ZNF880: variants seen among roughly 807,000 people sequenced by gnomAD.
The protein encoded by ZNF880 is zinc finger protein 880.
In ZNF880, 12 loss-of-function variants were observed where a neutral mutation model predicts 11.8. That is an observed-to-expected ratio of 1.02 (90% confidence interval 0.65 to 1.65). The LOEUF (loss-of-function observed/expected upper bound fraction) is 1.65, where lower values mean the gene tolerates loss of function less well. Ranked by LOEUF, ZNF880 falls within the 40% of genes most tolerant of loss-of-function variation. The probability of loss-of-function intolerance (pLI) is 0.00; values close to 1 mark genes in which losing one functional copy is unlikely to be tolerated. For missense variants in ZNF880, 601 were observed against 673.9 expected, an observed-to-expected ratio of 0.89 and a Z score of 1.20; for synonymous variants, 210 against 232.4, an observed-to-expected ratio of 0.90 and a Z score of 0.88.
rs1986796769 is a variant in ZNF880 at position 52,384,388 on chromosome 19, T to C, written c.808T>C (p.Cys270Arg). The part of the protein sequence containing the change: ...RIHTGEKPYK[C>R]HECGKVFTQN... Reference sequence around the variant, plus strand: ...ACATACTGGAGAGAAACCTTACAAATGTCATGAGTGTGGCAAAGTCTTCAC... The same window carrying C: ...ACATACTGGAGAGAAACCTTACAAACGTCATGAGTGTGGCAAAGTCTTCAC... Residue 270 changes from cysteine to arginine, a missense_variant, in exon 4 of 4, where the codon TGT (cysteine) becomes CGT (arginine). Around this residue, in one of 3 missense-constraint regions of ZNF880, gnomAD observed 420 missense variants for 442.6 expected, o/e 0.95. Coordinates refer to ENST00000422689, the MANE Select transcript of ZNF880 (RefSeq NM_001145434.2). 1.2e-6 allele frequency: 2 copies of C among 1,613,814 alleles called. No individual in the cohort carries two copies. The highest frequency in any genetic ancestry group is 1.7e-6 in the Non-Finnish European group (2 of 1,179,912).
chr19:52,396,592 TTG>T, the ZNF880 span: 1 of 152,134 alleles, frequency 6.6e-6, no homozygotes, highest in African/African-American at 2.4e-5. Flanking sequence ...CCTTATGTAT[TTG>T]TGTTTCAAAA....
chr19:52,395,987 G>A, the ZNF880 span, among the ~76,000 whole-genome samples: 17 of 152,180 alleles, frequency 1.1e-4, no homozygotes, highest in East Asian at 2.3e-3. Flanking sequence ...ACGGAGTCTC[G>A]CTCTGTCTCC....
intron 3 of ZNF880, among the ~76,000 whole-genome samples, chr19:52,378,939 G>A (rs1016250061): frequency 7.2e-5 from 11 of 152,042 alleles, no homozygotes; most frequent in African/African-American, 2.7e-4. Context: ...TTTGGCTGTG[G>A]TGGTGCACAC....
intron 2 of ZNF880, among the ~76,000 whole-genome samples, chr19:52,373,669 A>ATTTTTTTTTTTTTTTTTTTTTTTTT (rs35788651): frequency 9.7e-6 from 1 of 102,578 alleles, no homozygotes. Context: ...AAATACTGTA[A>ATTTTTTTTTTTTTTTTTTTTTTTTT]TTTTTTTTTT....
chr19:52,373,678 T>C (rs1181049991), intron 2 of ZNF880, among the ~76,000 whole-genome samples: 1 of 145,078 alleles, frequency 6.9e-6, no homozygotes, highest in African/African-American at 2.5e-5. Flanking sequence ...AATTTTTTTT[T>C]TTTTTTTTTT....
At chr19:52,378,031 C>T (rs1402665358) in intron 3 of ZNF880, among the ~76,000 whole-genome samples, 1 of 152,072 alleles carries the variant, frequency 6.6e-6, no homozygotes, top group African/African-American at 2.4e-5. Flanking sequence ...CCCCTCTTCC[C>T]TTCCTGGAGG....
intron 3 of ZNF880, among the ~76,000 whole-genome samples, chr19:52,377,731 T>G (rs953150313): frequency 1.3e-5 from 2 of 152,202 alleles, no homozygotes; most frequent in Non-Finnish European, 2.9e-5. Context: ...AAGAGCCGGA[T>G]GAGGAGATTC....
chr19:52,381,110 T>A (rs1362552012), intron 3 of ZNF880, among the ~76,000 whole-genome samples: 2 of 152,044 alleles, frequency 1.3e-5, no homozygotes, highest in Admixed American at 1.3e-4. Flanking sequence ...TTAGTTTTTT[T>A]AAATTTACTT....
chr19:52,383,848 G>T lies in ZNF880; in HGVS notation c.269-1G>T. On this transcript the variant is annotated splice_acceptor_variant, in intron 3 of 3. Transcript: ENST00000422689. LOFTEE classifies it high-confidence loss of function. ...GTTCCACTTTTTTCTTTCTTTTTTA[G>T]AGAGCAGCTCTAAATTGGGAAGCAA... 1 of 1,524,954 alleles carries T rather than the reference G, an allele frequency of 6.6e-7. No individual in the cohort carries two copies. The highest frequency in any genetic ancestry group is 8.8e-7 in the Non-Finnish European group (1 of 1,138,700). 94.5% of individuals were successfully genotyped at this position (1,524,954 alleles called of 1,614,324 possible).
chr19:52,389,645 T>G (rs2058700440), downstream of ZNF880: 1 of 152,280 alleles, frequency 6.6e-6, no homozygotes, highest in African/African-American at 2.4e-5. Context: ...TGTCGGTGAA[T>G]CTACCATTCT....
the ZNF880 span, among the ~76,000 whole-genome samples, chr19:52,393,643 C>G: frequency 2.0e-5 from 3 of 151,870 alleles, no homozygotes; most frequent in East Asian, 5.8e-4. Flanking sequence ...TGCAGAATGC[C>G]TTAATTAGGA....
intron 2 of ZNF880, 135 bp downstream of exon 2, chr19:52,373,372 C>A: frequency 1.2e-6 from 1 of 849,530 alleles, no homozygotes; most frequent in Non-Finnish European, 1.8e-6. Context: ...GAAATGAAAA[C>A]CTCCATAATG....
downstream of ZNF880, among the ~76,000 whole-genome samples, chr19:52,388,281 A>ACTTTTTTTT (rs1986945231): frequency 2.6e-5 from 1 of 38,892 alleles, no homozygotes; most frequent in African/African-American, 1.8e-4. Flanking sequence ...GGCAATTTGA[A>ACTTTTTTTT]CTTTTTTTTT....
At chr19:52,391,475 G>A in the ZNF880 span, 1 of 151,784 alleles carries the variant, frequency 6.6e-6, no homozygotes, top group Non-Finnish European at 1.5e-5. Context: ...GAAGGAAGAA[G>A]GGCTTGAAAT....
chr19:52,387,805 AATGTCTTTTTTTTCCTAGTAGTGC>A (rs1420477553), downstream of ZNF880, among the ~76,000 whole-genome samples: 2 of 140,546 alleles, frequency 1.4e-5, no homozygotes, highest in South Asian at 2.2e-4. Flanking sequence ...ACTGTACCAC[AATGTCTTTTTTTTCCTAGTAGTGC>A]ATGTCTTTTT....
chr19:52,378,373 G>A (rs923559479), intron 3 of ZNF880, among the ~76,000 whole-genome samples: 1 of 152,002 alleles, frequency 6.6e-6, no homozygotes, highest in Non-Finnish European at 1.5e-5. Flanking sequence ...AGGCCGGGGC[G>A]GTGTCTCACG....
Position 52,370,278 on chromosome 19 carries a change from C to G in ZNF880, c.12+301C>G, listed in dbSNP as rs1174742563. 1.6e-4 allele frequency: 70 copies of G among 436,118 alleles called. No individual in the cohort carries two copies. In the East Asian group the frequency reaches 2.5e-3, roughly 16 times the overall value. 27.0% of individuals were successfully genotyped at this position (436,118 alleles called of 1,614,324 possible). On this transcript the variant is annotated intron_variant, in intron 1 of 3. Coordinates refer to ENST00000422689, the MANE Select transcript of ZNF880 (RefSeq NM_001145434.2). ...CGGCCCGCGCTGCGTAAAGTTCTCA[C>G]CCGCGAGATGGATCCACGTCTTTCC...
At chr19:52,368,216 AAT>A (rs572051465), upstream of ZNF880, among the ~76,000 whole-genome samples, 4 of 48,514 alleles carry the variant, frequency 8.2e-5, no homozygotes, top group African/African-American at 6.7e-4. Flanking sequence ...AAAAAAAAAA[AAT>A]AATAATAATA....
upstream of ZNF880, chr19:52,369,883 A>T: frequency 6.5e-7 from 1 of 1,535,836 alleles, no homozygotes; most frequent in Admixed American, 2.0e-5. Context: ...GCCCAATCCC[A>T]CCCGGGCCTG....
Sources: gnomAD v4.1 joint callset for allele counts (sites outside exome capture counted in the v4.1 genomes callset) on GRCh38, gnomAD v4.1.1 for gene constraint, gnomAD v4.1.1 regional missense constraint, MANE v1.5 for transcripts, NCBI Gene and HGNC (gene_info 2026-07-23, HGNC 2026-07-21) for gene names.